Variants in RIN3 observed in about 807,000 individuals in gnomAD.
RIN3 encodes the protein RAB5 interacting protein 3.
In RIN3, 54 loss-of-function variants were observed where a neutral mutation model predicts 76.3. That is an observed-to-expected ratio of 0.71 (90% CI 0.57 to 0.89). The LOEUF (loss-of-function observed/expected upper bound fraction) is 0.89. RIN3 is among the 40% of genes least tolerant of loss of function. The pLI is 0.00. For missense variants in RIN3, 1,256 were observed against 1,322.1 expected, an observed-to-expected ratio of 0.95 and a Z score of 0.78; for synonymous variants, 576 against 564.0, an observed-to-expected ratio of 1.02 and a Z score of -0.30.
chr14:92,538,465 AG>A (rs1424809745), intron 1 of RIN3, among the ~76,000 whole-genome samples: 2 of 152,238 alleles, frequency 1.3e-5, no homozygotes, highest in African/African-American at 4.8e-5. Flanking sequence ...ACACTGTGGT[AG>A]ATGGGCCAGA....
chr14:92,596,977 G>A (rs773187059), intron 3 of RIN3, among the ~76,000 whole-genome samples: 19 of 152,252 alleles, frequency 1.2e-4, no homozygotes, highest in South Asian at 8.3e-4. Flanking sequence ...ATAAATCAGG[G>A]TTTGTTTGTT....
Position 92,603,736 on chromosome 14 carries a change from C to T in RIN3, c.368-11671C>T, listed in dbSNP as rs950502802. Among the ~76,000 whole-genome samples, 102 of 152,206 alleles carry T rather than the reference C, an allele frequency of 6.7e-4. 2 individuals carry two copies. The highest frequency in any genetic ancestry group is 4.0e-4 in the Non-Finnish European group (27 of 68,032). ...TCTCACTTTTGGCAGCTGCTACCCT[C>T]TGCTGGTACCAGCAGTGCTGGCAGC... On this transcript the variant is annotated intron_variant, in intron 3 of 9. Transcript: ENST00000216487.
intron 2 of RIN3, among the ~76,000 whole-genome samples, chr14:92,569,723 T>A (rs1296715705): frequency 1.3e-5 from 2 of 152,076 alleles, no homozygotes; most frequent in Non-Finnish European, 2.9e-5. Flanking sequence ...AAGGACAGCC[T>A]AGTTGAAGCC....
rs576255236 is a variant in RIN3, at chr14:92,652,164, C to T, written c.1115C>T (p.Pro372Leu). Residue 372 changes from proline to leucine, a missense_variant, in exon 6 of 10, where the codon CCC becomes CTC. Pro to Leu is a moderately conservative substitution (Grantham distance 98). Coordinates refer to ENST00000216487, the MANE Select transcript of RIN3 (RefSeq NM_024832.5). The surrounding 1 kb of genome is among the most constrained non-coding windows in gnomAD (Gnocchi z 6.4). ...GAASSPLQQV[P>L]APPLPAKKNL... ...GCCTCCAGTCCCTTGCAGCAGGTCC[C>T]CGCCCCGCCACTGCCTGCGAAGAAG... 1 of 1,597,452 alleles carries T rather than the reference C, an allele frequency of 6.3e-7. No homozygotes were observed. Among genetic ancestry groups the T allele is most frequent in the Non-Finnish European group, 8.5e-7 (1 of 1,170,846 alleles).
At position 92,624,790 on chromosome 14, in the gene RIN3, C is replaced by T. The variant is rs1004092724; in HGVS notation, c.440+9311C>T. Among the ~76,000 whole-genome samples, 31 of 152,238 alleles carry T rather than the reference C, an allele frequency of 2.0e-4. 2 individuals carry two copies. The highest frequency in any genetic ancestry group is 6.3e-4 in the African/African-American group (26 of 41,538). ...ATAGATGAAAGAGAATTAAACTTTCCTTAGCTTTAGTTTGGTAGGATTTTC... is the reference window on the plus strand; with the variant it reads ...ATAGATGAAAGAGAATTAAACTTTCTTTAGCTTTAGTTTGGTAGGATTTTC... On this transcript the variant is annotated intron_variant, in intron 4 of 9. Transcript: ENST00000216487.
chr14:92,672,144 G>A (rs538755797), intron 7 of RIN3, among the ~76,000 whole-genome samples: 35 of 152,234 alleles, frequency 2.3e-4, no homozygotes, highest in African/African-American at 8.2e-4. Flanking sequence ...GGCGGCTTAC[G>A]CTTGTAAATC....
chr14:92,571,848 T>G lies in RIN3; in HGVS notation c.250-5512T>G, dbSNP rs567986487. ...TGGAAAAGGCACATAGGGCGAGGTCTGGGGCGGGGCAGCCACAGAGTCCCC... is the reference window on the plus strand; with the variant it reads ...TGGAAAAGGCACATAGGGCGAGGTCGGGGGCGGGGCAGCCACAGAGTCCCC... On this transcript the variant is annotated intron_variant, in intron 2 of 9. Coordinates refer to ENST00000216487, the MANE Select transcript of RIN3 (RefSeq NM_024832.5). Among the ~76,000 whole-genome samples, 6 of 152,262 alleles carry G rather than the reference T, an allele frequency of 3.9e-5. No homozygotes were observed. The South Asian group carries it at 1.2e-3, about 32-fold the overall frequency.
chr14:92,576,234 C>T, intron 2 of RIN3: 2 of 1,280,324 alleles, frequency 1.6e-6, no homozygotes, highest in Non-Finnish European at 2.0e-6. Flanking sequence ...ACTCAAAGGA[C>T]ATTTTAAAAC....
At chr14:92,672,886 C>G (rs545805309) in intron 7 of RIN3, among the ~76,000 whole-genome samples, 3 of 152,090 alleles carry the variant, frequency 2.0e-5, no homozygotes, top group African/African-American at 4.8e-5. Context: ...TTTGCTTATT[C>G]TGGACGTTGC....
chr14:92,684,610 C>G (rs1005970924), intron 8 of RIN3, among the ~76,000 whole-genome samples: 2 of 152,068 alleles, frequency 1.3e-5, no homozygotes, highest in African/African-American at 4.8e-5. Flanking sequence ...GATACACACA[C>G]AGTGAGAAGT....
chr14:92,544,949 C>T (rs556583152), intron 1 of RIN3, among the ~76,000 whole-genome samples: 2 of 152,198 alleles, frequency 1.3e-5, no homozygotes, highest in South Asian at 4.2e-4. Context: ...TTGGTGTGTG[C>T]ATGTATCCAC....
At chr14:92,564,698 A>C (rs1400947775) in intron 2 of RIN3, among the ~76,000 whole-genome samples, 1 of 152,196 alleles carries the variant, frequency 6.6e-6, no homozygotes, top group Non-Finnish European at 1.5e-5. Context: ...CATCAAAGAA[A>C]ATCGAACTCT....
chr14:92,520,240 C>T (rs556258822), intron 1 of RIN3, among the ~76,000 whole-genome samples: 16 of 152,342 alleles, frequency 1.1e-4, no homozygotes, highest in African/African-American at 3.8e-4. Flanking sequence ...AGTGACGTGA[C>T]GGCACACACT....
intron 1 of RIN3, among the ~76,000 whole-genome samples, chr14:92,518,558 G>T (rs1016679914): frequency 6.6e-6 from 1 of 152,206 alleles, no homozygotes; most frequent in African/African-American, 2.4e-5. Context: ...CCAGGCAATT[G>T]AGTAGGGACC....
intron 4 of RIN3, among the ~76,000 whole-genome samples, chr14:92,618,799 A>G (rs955741467): frequency 1.3e-5 from 2 of 152,186 alleles, no homozygotes; most frequent in African/African-American, 4.8e-5. Context: ...CAATGTATTC[A>G]ATTTGGATCA....
intron 5 of RIN3, among the ~76,000 whole-genome samples, chr14:92,642,820 G>T (rs1243265930): frequency 6.6e-6 from 1 of 152,226 alleles, no homozygotes; most frequent in African/African-American, 2.4e-5. Context: ...TCTGGTCCTT[G>T]GGTGTTAGCG....
At chr14:92,556,902 T>C (rs1897600134) in intron 2 of RIN3, among the ~76,000 whole-genome samples, 1 of 152,208 alleles carries the variant, frequency 6.6e-6, no homozygotes, top group African/African-American at 2.4e-5. Context: ...AATATAAAAT[T>C]AGCCATTTAA....
chr14:92,608,097 CTG>C (rs370610989), intron 3 of RIN3, among the ~76,000 whole-genome samples: 30 of 152,294 alleles, frequency 2.0e-4, no homozygotes, highest in African/African-American at 7.0e-4. Flanking sequence ...ATTGTGGTGA[CTG>C]TGCGAAGCTA....
rs534865616 is a variant in RIN3 at position 92,659,258 on chromosome 14, G to A, written c.2124G>A (p.Ser708=). The A allele has an allele frequency of 2.3e-4, 372 of 1,614,160 alleles. 1 individual carries two copies. Among genetic ancestry groups the A allele is most frequent in the Middle Eastern group, 4.9e-4 (3 of 6,062 alleles). Residue 708 remains serine (S), a synonymous_variant, in exon 7 of 10, where the codon TCG becomes TCA. Coordinates refer to ENST00000216487, the MANE Select transcript of RIN3 (RefSeq NM_024832.5). ...CLHQIHSKDG[S]LQQLKENQLV... is the part of the protein sequence containing the mutation. ...ATCAGATCCACAGCAAGGATGGTTC[G>A]CTGCAGCAGCTCAAGGAGAACCAGT...
Sources: allele counts gnomAD v4.1 joint callset (sites outside exome capture counted in the v4.1 genomes callset), GRCh38; gene constraint gnomAD v4.1.1; non-coding constraint Gnocchi (gnomAD v3.1); transcripts MANE v1.5; gene names NCBI Gene and HGNC (gene_info 2026-07-23, HGNC 2026-07-21).